Variants in CDK14 observed in about 807,000 individuals in gnomAD.
CDK14 encodes the protein cyclin-dependent kinase 14.
A neutral mutation model predicts 60.7 loss-of-function variants in CDK14; 34 were observed. That is an observed-to-expected ratio of 0.56 (90% CI 0.43 to 0.75). The LOEUF is 0.75. CDK14 is among the 30% of genes least tolerant of loss of function. The probability of loss-of-function intolerance (pLI) is 0.00; values close to 1 mark genes in which losing one functional copy is unlikely to be tolerated. For missense variants in CDK14, 482 were observed against 564.1 expected, an observed-to-expected ratio of 0.85 and a Z score of 1.47; for synonymous variants, 197 against 203.7, an observed-to-expected ratio of 0.97 and a Z score of 0.28.
chr7:90,975,015 A>G (rs1467265381), intron 9 of CDK14, among the ~76,000 whole-genome samples: 1 of 152,210 alleles, frequency 6.6e-6, no homozygotes, highest in Non-Finnish European at 1.5e-5. Context: ...GTTCTGAGAA[A>G]GGTAATGGTG....
chr7:91,060,815 C>T (rs1066805), intron 11 of CDK14, among the ~76,000 whole-genome samples: 70,472 of 152,006 alleles, frequency 0.46, 17,479 homozygotes, highest in East Asian at 0.88. Flanking sequence ...CGACCTTTCT[C>T]TCTGGCTGCC....
intron 5 of CDK14, among the ~76,000 whole-genome samples, chr7:90,833,463 G>A (rs1009079659): frequency 6.6e-6 from 1 of 152,132 alleles, no homozygotes; most frequent in East Asian, 1.9e-4. Context: ...TCATCTGGGG[G>A]CACAAGAAAA....
rs748584315 is a variant in CDK14 at position 90,869,706 on chromosome 7, A to C, written c.639+6437A>C. 1.6e-4 allele frequency among the ~76,000 whole-genome samples: 24 copies of C among 152,298 alleles called. No individual in the cohort carries two copies. In the Middle Eastern group the frequency reaches 0.014, roughly 86 times the overall value. ...AGAAGAGGTGAAGAGAAATGGTTGG[A>C]TTCTGGATATACATTGTGTGGCCGA... On this transcript the variant is annotated intron_variant, in intron 6 of 14. Transcript: ENST00000380050.
intron 10 of CDK14, among the ~76,000 whole-genome samples, chr7:91,035,774 C>T (rs1323004882): frequency 6.6e-6 from 1 of 151,472 alleles, no homozygotes; most frequent in African/African-American, 2.4e-5. Context: ...TTTATCATCT[C>T]TCAGTTTCTG....
At chr7:91,006,033 C>G (rs1477146780) in intron 10 of CDK14, among the ~76,000 whole-genome samples, 1 of 152,242 alleles carries the variant, frequency 6.6e-6, no homozygotes, top group Non-Finnish European at 1.5e-5. Flanking sequence ...CTCATCCAAA[C>G]AACTCTGCAA....
chr7:91,155,241 A>G (rs1417694418), intron 14 of CDK14, among the ~76,000 whole-genome samples: 1 of 152,202 alleles, frequency 6.6e-6, no homozygotes, highest in Non-Finnish European at 1.5e-5. Flanking sequence ...GTGAACAGAG[A>G]ATCATAGTTG....
chr7:90,963,738 C>G (rs1001356017), intron 9 of CDK14, among the ~76,000 whole-genome samples: 1 of 105,486 alleles, frequency 9.5e-6, no homozygotes. Context: ...TTTTTTGAGA[C>G]GGAGTCTTAC....
intron 2 of CDK14, chr7:90,709,274 C>T (rs1801974213): frequency 3.9e-6 from 2 of 518,468 alleles, no homozygotes; most frequent in Non-Finnish European, 3.2e-6. Flanking sequence ...TTGCAGCATG[C>T]ATGATGGTGG....
intron 4 of CDK14, among the ~76,000 whole-genome samples, chr7:90,785,110 C>T (rs886287280): frequency 2.6e-5 from 4 of 151,872 alleles, no homozygotes; most frequent in African/African-American, 9.7e-5. Flanking sequence ...TTTTCCTTCG[C>T]AGTTTCTCTT....
intron 14 of CDK14, among the ~76,000 whole-genome samples, chr7:91,201,715 G>C (rs1802735242): frequency 6.6e-6 from 1 of 152,170 alleles, no homozygotes; most frequent in Admixed American, 6.5e-5. Context: ...TGTACACACA[G>C]AGATTTAACA....
chr7:90,802,842 AAGG>A (rs1220116558), intron 5 of CDK14, among the ~76,000 whole-genome samples: 1 of 152,230 alleles, frequency 6.6e-6, no homozygotes, highest in Admixed American at 6.5e-5. Flanking sequence ...AATCTCCCAA[AAGG>A]AGATCAAGAA....
intron 13 of CDK14, 57 bp from the exon 14 acceptor site, chr7:91,118,008 A>T (rs2116376210): frequency 2.0e-6 from 2 of 1,011,602 alleles, no homozygotes. Context: ...TTAAAAAAAA[A>T]ACATGATTAT....
At chr7:90,678,924 CA>C (rs1265877389) in intron 2 of CDK14, among the ~76,000 whole-genome samples, 1 of 152,134 alleles carries the variant, frequency 6.6e-6, no homozygotes, top group Non-Finnish European at 1.5e-5. Flanking sequence ...GGAAGAGTTG[CA>C]AAGAGAGTTG....
intron 2 of CDK14, among the ~76,000 whole-genome samples, chr7:90,606,814 G>A (rs899202732): frequency 1.3e-5 from 2 of 152,190 alleles, no homozygotes; most frequent in African/African-American, 2.4e-5. Context: ...TGAATTAGGT[G>A]TTAGGCAATG....
At chr7:90,786,713 T>G (rs1210030536) in intron 4 of CDK14, among the ~76,000 whole-genome samples, 1 of 151,806 alleles carries the variant, frequency 6.6e-6, no homozygotes, top group Non-Finnish European at 1.5e-5. Context: ...GCCCAGGAGT[T>G]CAAGACTATC....
At chr7:91,169,543 C>G (rs1801448830) in intron 14 of CDK14, among the ~76,000 whole-genome samples, 1 of 152,134 alleles carries the variant, frequency 6.6e-6, no homozygotes, top group South Asian at 2.1e-4. Context: ...GGCCAAGTAC[C>G]CTCTCCCTTT....
At chr7:90,761,094 A>G (rs958442638) in intron 4 of CDK14, among the ~76,000 whole-genome samples, 1 of 152,206 alleles carries the variant, frequency 6.6e-6, no homozygotes, top group Non-Finnish European at 1.5e-5. Context: ...TGAAAGTGAC[A>G]GTGAGGATAT....
At chr7:90,911,822 C>CATTAATTA (rs565187789) in intron 7 of CDK14, among the ~76,000 whole-genome samples, 2 of 151,884 alleles carry the variant, frequency 1.3e-5, no homozygotes, top group East Asian at 3.9e-4. Flanking sequence ...GATAAAATAC[C>CATTAATTA]ATTAATTAAT....
chr7:90,759,741 A>G (rs1804241692), intron 4 of CDK14, among the ~76,000 whole-genome samples: 1 of 152,168 alleles, frequency 6.6e-6, no homozygotes, highest in Non-Finnish European at 1.5e-5. Context: ...ATGTGAGTCT[A>G]TAGCTGCTTT....
Sources: allele counts gnomAD v4.1 joint callset (sites outside exome capture counted in the v4.1 genomes callset), GRCh38; gene constraint gnomAD v4.1.1; transcripts MANE v1.5; gene names NCBI Gene and HGNC (gene_info 2026-07-23, HGNC 2026-07-21).